SPATS2L: variants seen among roughly 807,000 people sequenced by gnomAD.
The protein encoded by SPATS2L is spermatogenesis associated serine rich 2 like.
A neutral mutation model predicts 59.6 loss-of-function variants in SPATS2L; 30 were observed. The ratio of observed to expected loss-of-function variants is 0.50; its 90% CI spans 0.38 to 0.68. SPATS2L has a LOEUF of 0.68. Ranked by LOEUF, SPATS2L falls within the 30% of genes least tolerant of loss-of-function variation. The pLI is 0.00. For missense variants in SPATS2L, 615 were observed against 700.0 expected (o/e 0.88, Z 1.37); for synonymous variants, 252 against 263.5 (o/e 0.96, Z 0.42).
At chr2:200,427,772 T>C (rs1048934395) in intron 6 of SPATS2L, among the ~76,000 whole-genome samples, 2 of 152,156 alleles carry the variant, frequency 1.3e-5, no homozygotes, top group Admixed American at 6.5e-5. Flanking sequence ...GTTCCAAAGT[T>C]ATTGTTTCCC....
intron 2 of SPATS2L, among the ~76,000 whole-genome samples, chr2:200,333,952 G>A (rs369140771): frequency 3.3e-5 from 5 of 151,998 alleles, no homozygotes; most frequent in Non-Finnish European, 5.9e-5. Context: ...GAATAGTGCC[G>A]CAATAAACAT....
At position 200,478,200 on chromosome 2, in the gene SPATS2L, T is replaced by C; in HGVS notation, c.*169T>C. The C allele has an allele frequency of 1.6e-6, 1 of 607,620 alleles. No homozygotes were observed. Among genetic ancestry groups the C allele is most frequent in the East Asian group, 3.3e-5 (1 of 29,872 alleles). 37.6% of individuals were successfully genotyped at this position (607,620 alleles called of 1,614,324 possible). On this transcript the variant is annotated 3_prime_UTR_variant, in exon 13 of 13. Coordinates refer to ENST00000409140, the MANE Select transcript of SPATS2L (RefSeq NM_001100423.2). Reference sequence around the variant, plus strand: ...TAATAATCAGCTCTAGCTTGCTTCATAATTTTCATGGCTTTGCTTGATCTG... The same window carrying C: ...TAATAATCAGCTCTAGCTTGCTTCACAATTTTCATGGCTTTGCTTGATCTG...
chr2:200,459,080 G>A (rs1193879062), intron 8 of SPATS2L, among the ~76,000 whole-genome samples: 3 of 152,212 alleles, frequency 2.0e-5, no homozygotes, highest in Non-Finnish European at 4.4e-5. Flanking sequence ...AGGGGAACTA[G>A]AGAACTGGGG....
chr2:200,411,933 A>T (rs527488624), intron 3 of SPATS2L, among the ~76,000 whole-genome samples: 1 of 151,922 alleles, frequency 6.6e-6, no homozygotes, highest in South Asian at 2.1e-4. Context: ...TTCTAAAGAT[A>T]CCCCCTGAGC....
intron 2 of SPATS2L, among the ~76,000 whole-genome samples, chr2:200,355,675 C>T (rs983077430): frequency 6.6e-6 from 1 of 152,200 alleles, no homozygotes; most frequent in Non-Finnish European, 1.5e-5. Context: ...CCTTCCATTC[C>T]GTATTCCACT....
intron 1 of SPATS2L, among the ~76,000 whole-genome samples, chr2:200,312,693 T>C (rs567326799): frequency 4.3e-4 from 65 of 152,340 alleles, no homozygotes; most frequent in African/African-American, 1.5e-3. Flanking sequence ...TAGTAATTTG[T>C]AGAGCTGGTA....
intron 2 of SPATS2L, among the ~76,000 whole-genome samples, chr2:200,363,324 T>A (rs2081170106): frequency 1.3e-5 from 2 of 152,116 alleles, no homozygotes; most frequent in Admixed American, 6.5e-5. Flanking sequence ...ACATACTCTA[T>A]CGGGGACTTG....
chr2:200,412,088 CTT>C, intron 3 of SPATS2L, among the ~76,000 whole-genome samples: 1 of 152,042 alleles, frequency 6.6e-6, no homozygotes, highest in East Asian at 1.9e-4. Context: ...ACAAGGAGGT[CTT>C]TGTAAAAATG....
At chr2:200,385,732 G>T (rs978340705) in intron 2 of SPATS2L, among the ~76,000 whole-genome samples, 1 of 151,218 alleles carries the variant, frequency 6.6e-6, no homozygotes, top group Non-Finnish European at 1.5e-5. Context: ...TCGCTCTGTC[G>T]CCCAGGCTGG....
intron 2 of SPATS2L, among the ~76,000 whole-genome samples, chr2:200,370,997 A>T (rs961602462): frequency 1.3e-5 from 2 of 152,336 alleles, no homozygotes; most frequent in South Asian, 4.1e-4. Flanking sequence ...AAGAAAAATC[A>T]ACTGCCAAAG....
chr2:200,429,289 A>G (rs1021544048), intron 6 of SPATS2L, among the ~76,000 whole-genome samples: 22 of 152,370 alleles, frequency 1.4e-4, no homozygotes, highest in African/African-American at 4.6e-4. Context: ...ACTAACTACT[A>G]GAAGGGGTAA....
rs150628115 is a variant in SPATS2L at position 200,442,510 on chromosome 2, CTAGAGGCATTAG to C, written c.788+1728_788+1739del. Among the ~76,000 whole-genome samples, 274 of 152,304 alleles carry C rather than the reference CTAGAGGCATTAG, an allele frequency of 1.8e-3. 10 individuals carry two copies. In the East Asian group the frequency reaches 0.047, roughly 26 times the overall value. On this transcript the variant is annotated intron_variant, in intron 8 of 12. Transcript: ENST00000409140. ...AGGGTCATTGTTTGTCAACCCCTGT[CTAGAGGCATTAG>C]TTAGCTGTTCAGAGAAGACCACTCT...
chr2:200,385,114 G>A (rs2081950484), intron 2 of SPATS2L, among the ~76,000 whole-genome samples: 1 of 152,136 alleles, frequency 6.6e-6, no homozygotes, highest in African/African-American at 2.4e-5. Context: ...TCCTGTGGTC[G>A]ATACATATTA....
intron 2 of SPATS2L, among the ~76,000 whole-genome samples, chr2:200,382,612 A>T (rs1428209478): frequency 6.6e-6 from 1 of 152,138 alleles, no homozygotes; most frequent in Non-Finnish European, 1.5e-5. Flanking sequence ...TGTTAGCCCA[A>T]TGGCCGTGGG....
intron 6 of SPATS2L, among the ~76,000 whole-genome samples, chr2:200,434,715 C>G (rs2084164448): frequency 6.6e-6 from 1 of 152,012 alleles, no homozygotes. Flanking sequence ...AAATAAATGG[C>G]ATAGTATGTC....
chr2:200,343,696 ATTAG>A (rs1021368638), intron 2 of SPATS2L, among the ~76,000 whole-genome samples: 5 of 152,172 alleles, frequency 3.3e-5, no homozygotes, highest in Non-Finnish European at 5.9e-5. Context: ...TCAATTACAG[ATTAG>A]TTAAATATAT....
At chr2:200,378,501 C>A in intron 2 of SPATS2L, 1 of 571,560 alleles carries the variant, frequency 1.7e-6, no homozygotes, top group Non-Finnish European at 2.3e-6. Flanking sequence ...GTATTTCTTT[C>A]CCACCAAGTG....
chr2:200,346,384 G>A (rs1033759066), intron 2 of SPATS2L, among the ~76,000 whole-genome samples: 6 of 152,044 alleles, frequency 3.9e-5, no homozygotes, highest in Non-Finnish European at 8.8e-5. Flanking sequence ...AGTTGAATGT[G>A]GTTGTTTTCA....
At chr2:200,348,256 C>T (rs1448754814) in intron 2 of SPATS2L, among the ~76,000 whole-genome samples, 1 of 152,128 alleles carries the variant, frequency 6.6e-6, no homozygotes, top group African/African-American at 2.4e-5. Flanking sequence ...ATGTCGTTGT[C>T]CTGTCTTTGG....
Sources: allele counts gnomAD v4.1 joint callset (sites outside exome capture counted in the v4.1 genomes callset), GRCh38; gene constraint gnomAD v4.1.1; transcripts MANE v1.5; gene names NCBI Gene and HGNC (gene_info 2026-07-23, HGNC 2026-07-21).